The following MCU variants were observed in gnomAD, a reference collection of about 807,000 sequenced individuals.
MCU encodes the protein calcium uniporter protein, mitochondrial.
In MCU, 12 loss-of-function variants were observed where a neutral mutation model predicts 45.2. The ratio of observed to expected loss-of-function variants is 0.27; its 90% CI spans 0.17 to 0.43. The LOEUF is 0.43. Among genes scored for constraint, MCU ranks in the 20% least tolerant of loss-of-function variants. The probability of loss-of-function intolerance (pLI) is 1.00; values close to 1 mark genes in which losing one functional copy is unlikely to be tolerated. For missense variants in MCU, 324 were observed against 436.7 expected (o/e 0.74, Z 2.30); for synonymous variants, 160 against 165.1 (o/e 0.97, Z 0.24).
At chr10:72,860,728 G>A (rs1845363815) in intron 4 of MCU, among the ~76,000 whole-genome samples, 1 of 152,138 alleles carries the variant, frequency 6.6e-6, no homozygotes, top group Admixed American at 6.6e-5. Flanking sequence ...AAATCACTTC[G>A]ATTCTGCCTA....
At chr10:72,885,719 T>C (rs753801675) in intron 7 of MCU, 26 bp from the exon 8 acceptor site, 1 of 1,541,240 alleles carries the variant, frequency 6.5e-7, no homozygotes, top group East Asian at 2.2e-5. Flanking sequence ...ACTAGCCAGT[T>C]TTCTCACCTT....
chr10:72,730,393 A>G lies in MCU; in HGVS notation c.150+38092A>G, dbSNP rs1017717491. Among the ~76,000 whole-genome samples the G allele has an allele frequency of 3.5e-5, 5 of 143,266 alleles. 1 individual carries two copies. Among genetic ancestry groups the G allele is most frequent in the African/African-American group, 1.1e-4 (4 of 37,944 alleles). The allele number at this position is 143,266 out of a possible 152,430, so 94.0% of individuals were successfully genotyped here. ...CCAATCCGCCTCCTGGGTTCAAGCT[A>G]TTCTCCTGCCTCAGCCTCCCGGGTA... On this transcript the variant is annotated intron_variant, in intron 1 of 7. Transcript: ENST00000373053.
chr10:72,805,163 C>CTTTCTTTG, intron 1 of MCU, among the ~76,000 whole-genome samples: 1 of 134,736 alleles, frequency 7.4e-6, no homozygotes, highest in Admixed American at 7.4e-5. Flanking sequence ...TTCTTTCTGT[C>CTTTCTTTG]TCTCTCTCTC....
At chr10:72,715,411 A>G (rs1202928813) in intron 1 of MCU, among the ~76,000 whole-genome samples, 1 of 152,204 alleles carries the variant, frequency 6.6e-6, no homozygotes, top group African/African-American at 2.4e-5. Context: ...TGACTGTTGC[A>G]CAATAGAATA....
At chr10:72,747,262 C>T (rs935973937) in intron 1 of MCU, among the ~76,000 whole-genome samples, 4 of 152,114 alleles carry the variant, frequency 2.6e-5, no homozygotes, top group African/African-American at 4.8e-5. Flanking sequence ...AATGTCTATA[C>T]GAATGTTATA....
chr10:72,696,948 A>G (rs1027808938), intron 1 of MCU, among the ~76,000 whole-genome samples: 1 of 152,142 alleles, frequency 6.6e-6, no homozygotes, highest in African/African-American at 2.4e-5. Flanking sequence ...GTACCATTGG[A>G]TTAGCTCAGC....
At chr10:72,865,684 G>GT in intron 4 of MCU, among the ~76,000 whole-genome samples, 1 of 151,218 alleles carries the variant, frequency 6.6e-6, no homozygotes, top group South Asian at 2.1e-4. Flanking sequence ...TAGGACTATA[G>GT]GCACATGCCA....
chr10:72,824,849 G>C (rs1844772683), intron 1 of MCU, among the ~76,000 whole-genome samples: 1 of 152,072 alleles, frequency 6.6e-6, no homozygotes, highest in South Asian at 2.1e-4. Context: ...ACTGAAGCTA[G>C]AGCAAAAATG....
Position 72,761,564 on chromosome 10 carries a change from A to G in MCU, c.150+69263A>G, listed in dbSNP as rs143598453. ...CTGTCTTTTTGCAAGTTCTTTCTCA[A>G]CTGTGATGACTGACTTTGCCCAAAT... On this transcript the variant is annotated intron_variant, in intron 1 of 7. Coordinates refer to ENST00000373053, the MANE Select transcript of MCU (RefSeq NM_138357.3). Among the ~76,000 whole-genome samples, 221 of 152,304 alleles carry G rather than the reference A, an allele frequency of 1.5e-3. 2 individuals are homozygous for G. The highest frequency in any genetic ancestry group is 4.9e-3 in the African/African-American group (202 of 41,578).
rs562949165 is a variant in MCU, at chr10:72,829,673, G to GT, written c.151-4685dup. On this transcript the variant is annotated intron_variant, in intron 1 of 7. Transcript: ENST00000373053. ...ACTTTTACAAACTTACTATTTTCTT[G>GT]TGACATGTTAAAAATACAAAATTTA... Among the ~76,000 whole-genome samples the GT allele has an allele frequency of 1.5e-3, 219 of 150,374 alleles. 2 individuals carry two copies. Among genetic ancestry groups the GT allele is most frequent in the African/African-American group, 4.9e-3 (200 of 41,100 alleles).
At chr10:72,787,750 G>T (rs1003203963) in intron 1 of MCU, among the ~76,000 whole-genome samples, 5 of 150,590 alleles carry the variant, frequency 3.3e-5, no homozygotes, top group African/African-American at 9.8e-5. Context: ...ACAGACTCTC[G>T]CTCTGTTGCC....
At chr10:72,823,517 T>C (rs1041478860) in intron 1 of MCU, among the ~76,000 whole-genome samples, 1 of 152,180 alleles carries the variant, frequency 6.6e-6, no homozygotes, top group Admixed American at 6.5e-5. Context: ...TTTTGAATTA[T>C]ATGTGAAAAT....
At chr10:72,709,063 G>A (rs1410103717) in intron 1 of MCU, among the ~76,000 whole-genome samples, 2 of 152,118 alleles carry the variant, frequency 1.3e-5, no homozygotes, top group Admixed American at 1.3e-4. Context: ...GGCATGATTG[G>A]TGGGGGTATG....
intron 1 of MCU, among the ~76,000 whole-genome samples, chr10:72,733,686 T>G (rs1843210709): frequency 6.9e-6 from 1 of 145,716 alleles, no homozygotes; most frequent in African/African-American, 2.5e-5. Flanking sequence ...GTTTCATATA[T>G]ATATATATAT....
At chr10:72,720,220 G>A (rs1796404009) in intron 1 of MCU, among the ~76,000 whole-genome samples, 1 of 152,102 alleles carries the variant, frequency 6.6e-6, no homozygotes. Context: ...TGTGTGACAT[G>A]CCATACATAC....
rs35514755 is a variant in MCU, at chr10:72,752,255, A to ATT, written c.150+59970_150+59971dup. Among the ~76,000 whole-genome samples the ATT allele has an allele frequency of 5.5e-4, 77 of 139,576 alleles. 1 individual carries two copies. Among genetic ancestry groups the ATT allele is most frequent in the Non-Finnish European group, 1.1e-3 (69 of 63,834 alleles). 91.6% of individuals were successfully genotyped at this position (139,576 alleles called of 152,430 possible). A position where few individuals can be genotyped will look rare whatever the true frequency, so the allele number is the denominator to read the frequency against. ...CTGAGGACATAAGTGACAGGTCCAG[A>ATT]TTTTTTTTTTTTTTTTTAATACTAG... On this transcript the variant is annotated intron_variant, in intron 1 of 7. Coordinates refer to ENST00000373053, the MANE Select transcript of MCU (RefSeq NM_138357.3).
At chr10:72,832,579 A>C (rs541235572) in intron 1 of MCU, among the ~76,000 whole-genome samples, 1 of 152,338 alleles carries the variant, frequency 6.6e-6, no homozygotes, top group South Asian at 2.1e-4. Flanking sequence ...ACAGAGACTT[A>C]AATGGAAAGA....
At chr10:72,875,369 C>T (rs927625400) in intron 6 of MCU, among the ~76,000 whole-genome samples, 1 of 152,200 alleles carries the variant, frequency 6.6e-6, no homozygotes, top group African/African-American at 2.4e-5. Flanking sequence ...CCCTTCTCGT[C>T]ATGCTGTAGA....
chr10:72,743,763 C>T (rs913746798), intron 1 of MCU, among the ~76,000 whole-genome samples: 3 of 152,106 alleles, frequency 2.0e-5, no homozygotes, highest in Non-Finnish European at 4.4e-5. Context: ...ATGAGGAAGT[C>T]ATGAAAGATT....
Sources: gnomAD v4.1 joint callset for allele counts (sites outside exome capture counted in the v4.1 genomes callset) on GRCh38, gnomAD v4.1.1 for gene constraint, MANE v1.5 for transcripts, NCBI Gene and HGNC (gene_info 2026-07-23, HGNC 2026-07-21) for gene names.